Variants in USP34 observed in about 807,000 individuals in gnomAD.
The protein encoded by USP34 is ubiquitin specific peptidase 34.
A neutral mutation model predicts 460.3 loss-of-function variants in USP34; 70 were observed. That is an observed-to-expected ratio of 0.15 (90% CI 0.13 to 0.19). The LOEUF (loss-of-function observed/expected upper bound fraction) is 0.19, where lower values mean the gene tolerates loss of function less well. USP34 is among the 10% of genes least tolerant of loss of function. USP34 has a pLI of 1.00. For missense variants in USP34, 3,985 were observed against 4,236.2 expected (o/e 0.94, Z 1.65); for synonymous variants, 1,647 against 1,405.3 (o/e 1.17, Z -3.85).
intron 1 of USP34, among the ~76,000 whole-genome samples, chr2:61,423,617 C>T (rs905040074): frequency 6.6e-6 from 1 of 152,092 alleles, no homozygotes; most frequent in Admixed American, 6.6e-5. Flanking sequence ...ATCGACACCA[C>T]CCAAATTGAT....
chr2:61,195,877 A>AC (rs1364163107), intron 75 of USP34, among the ~76,000 whole-genome samples: 1 of 151,630 alleles, frequency 6.6e-6, no homozygotes, highest in Non-Finnish European at 1.5e-5. Flanking sequence ...TTTCTCCCCT[A>AC]CTATCCCCCC....
intron 1 of USP34, among the ~76,000 whole-genome samples, chr2:61,425,955 C>A (rs1311111075): frequency 6.6e-6 from 1 of 151,806 alleles, no homozygotes; most frequent in East Asian, 1.9e-4. Context: ...CAAGACAGGG[C>A]ACCGCTCAGA....
chr2:61,367,555 T>C (rs2103829065), intron 10 of USP34, among the ~76,000 whole-genome samples: 1 of 152,268 alleles, frequency 6.6e-6, no homozygotes, highest in Middle Eastern at 3.4e-3. Flanking sequence ...AACCTAAGAA[T>C]TCAGTGAAGG....
chr2:61,338,714 A>T (rs1259480749), intron 18 of USP34, among the ~76,000 whole-genome samples: 1 of 152,218 alleles, frequency 6.6e-6, no homozygotes, highest in Non-Finnish European at 1.5e-5. Flanking sequence ...AAACCAAGAA[A>T]TGTGTCATCA....
chr2:61,467,319 A>T (rs938725204), intron 1 of USP34, among the ~76,000 whole-genome samples: 12 of 152,044 alleles, frequency 7.9e-5, no homozygotes, highest in South Asian at 4.2e-4. Context: ...AAAAATAAAA[A>T]AATAATAATA....
At chr2:61,202,226 T>G (rs571409967) in intron 75 of USP34, among the ~76,000 whole-genome samples, 1 of 152,266 alleles carries the variant, frequency 6.6e-6, no homozygotes, top group South Asian at 2.1e-4. Context: ...ATCAAAACCT[T>G]TTCCATAGGA....
At chr2:61,406,800 T>C (rs1282646909) in intron 2 of USP34, among the ~76,000 whole-genome samples, 1 of 147,778 alleles carries the variant, frequency 6.8e-6, no homozygotes, top group East Asian at 2.0e-4. Flanking sequence ...AGGTCAGGAG[T>C]TCGAAACCAG....
intron 2 of USP34, among the ~76,000 whole-genome samples, chr2:61,418,298 T>C (rs947854186): frequency 6.6e-6 from 1 of 152,108 alleles, no homozygotes; most frequent in Admixed American, 6.6e-5. Flanking sequence ...CAGGCTGGTC[T>C]CGAACTCCTG....
intron 7 of USP34, among the ~76,000 whole-genome samples, chr2:61,379,607 T>C (rs1278283355): frequency 6.6e-6 from 1 of 152,228 alleles, no homozygotes; most frequent in African/African-American, 2.4e-5. Flanking sequence ...AGCATATTCA[T>C]TCTGAGGGAT....
In USP34 at chr2:61,221,550, A is replaced by C. The variant is rs1460827913; in HGVS notation, c.7851T>G (p.Pro2617=). 1.2e-6 allele frequency: 2 copies of C among 1,614,008 alleles called. No homozygotes were observed. Among genetic ancestry groups the C allele is most frequent in the Non-Finnish European group, 1.7e-6 (2 of 1,179,978 alleles). Residue 2617 remains proline (P), a synonymous_variant, in exon 66 of 80, where the codon CCT becomes CCG. Coordinates refer to ENST00000398571, the MANE Select transcript of USP34 (RefSeq NM_014709.4). ...LTMLMEFAGG[P]PGMPPFASYI... is the part of the protein sequence containing the mutation. ...AAGATGCAAAGGGAGGCATTCCTGG[A>C]GGTCCACCAGCAAACTCCATTAGCA...
At chr2:61,248,213 C>T (rs945867924) in intron 49 of USP34, among the ~76,000 whole-genome samples, 1 of 140,604 alleles carries the variant, frequency 7.1e-6, no homozygotes, top group Non-Finnish European at 1.6e-5. Flanking sequence ...AAAACCCCCA[C>T]AAAAAACAAC....
At chr2:61,412,821 C>T (rs774901465) in intron 2 of USP34, among the ~76,000 whole-genome samples, 2 of 146,452 alleles carry the variant, frequency 1.4e-5, no homozygotes, top group South Asian at 2.2e-4. Context: ...CCCAGGAAGT[C>T]GAGGCCGCAG....
rs1234113488 is a variant in USP34, at chr2:61,471,020, C to A, written c.-328G>T. ...CGGGTGGGGAGAGAAGCAGCAGAGT[C>A]ACTTCACCGACCAGACGCCGCGGCC... On this transcript the variant is annotated 5_prime_UTR_variant, in exon 1 of 80. Transcript: ENST00000398571. 6.6e-6 allele frequency among the ~76,000 whole-genome samples: 1 copy of A among 151,046 alleles called. No homozygotes were observed. Among genetic ancestry groups the A allele is most frequent in the Admixed American group, 6.6e-5 (1 of 15,206 alleles).
intron 8 of USP34, 123 bp from the exon 9 acceptor site, chr2:61,370,702 T>C (rs1401711965): frequency 3.9e-6 from 3 of 767,694 alleles, no homozygotes; most frequent in African/African-American, 3.5e-5. Flanking sequence ...TTAGATACAA[T>C]CAGTTTTATA....
intron 5 of USP34, among the ~76,000 whole-genome samples, chr2:61,386,760 A>G (rs1005686659): frequency 7.2e-5 from 11 of 152,206 alleles, no homozygotes; most frequent in African/African-American, 2.7e-4. Context: ...ACTGCACTCC[A>G]GCCTGGCAAC....
intron 57 of USP34, among the ~76,000 whole-genome samples, chr2:61,235,327 T>G (rs1398737250): frequency 1.2e-5 from 1 of 83,112 alleles, no homozygotes; most frequent in African/African-American, 5.0e-5. Context: ...AATTTTTTTT[T>G]CTTTTTTTTT....
intron 10 of USP34, among the ~76,000 whole-genome samples, chr2:61,369,452 G>A (rs1038525818): frequency 1.6e-4 from 25 of 152,020 alleles, no homozygotes; most frequent in African/African-American, 5.8e-4. Context: ...AGACCAGCCT[G>A]ACCAACATAG....
At chr2:61,207,032 T>A (rs1257521613) in intron 70 of USP34, 146 bp from the exon 71 acceptor site, 1 of 796,234 alleles carries the variant, frequency 1.3e-6, no homozygotes, top group Non-Finnish European at 1.9e-6. Flanking sequence ...TTGCTTTCTA[T>A]CCTGAAGTTA....
chr2:61,226,837 G>T, intron 62 of USP34: 1 of 435,814 alleles, frequency 2.3e-6, no homozygotes. Context: ...TTTCTAACAC[G>T]ACTCATAGAT....
Sources: gnomAD v4.1 joint callset for allele counts (sites outside exome capture counted in the v4.1 genomes callset) on GRCh38, gnomAD v4.1.1 for gene constraint, MANE v1.5 for transcripts, NCBI Gene and HGNC (gene_info 2026-07-23, HGNC 2026-07-21) for gene names.